The following TOPAZ1 variants were observed in gnomAD, a reference collection of about 807,000 sequenced individuals.
TOPAZ1 encodes protein TOPAZ1.
TOPAZ1 carries 66 observed loss-of-function variants against 172.2 expected under a neutral mutation model. The observed-to-expected ratio is 0.38, with a 90% CI of 0.31 to 0.47. The LOEUF is 0.47. Ranked by LOEUF, TOPAZ1 falls within the 20% of genes least tolerant of loss-of-function variation. The pLI, the probability that TOPAZ1 is intolerant of heterozygous loss-of-function variation, is 0.99. For synonymous variants in TOPAZ1, 681 were observed against 683.9 expected, an observed-to-expected ratio of 1.00 and a Z score of 0.07; for missense variants, 1,822 against 1,972.4, an observed-to-expected ratio of 0.92 and a Z score of 1.44.
chr3:44,243,393 A>G lies in TOPAZ1; in HGVS notation c.887A>G (p.Glu296Gly). 1 of 1,551,190 alleles carries G rather than the reference A, an allele frequency of 6.4e-7. No individual in the cohort carries two copies. Among genetic ancestry groups the G allele is most frequent in the Non-Finnish European group, 8.7e-7 (1 of 1,146,830 alleles). The change falls in exon 2 of 20, where the codon GAA becomes GGA. Residue 296 changes from glutamate to glycine, a missense_variant. Around this residue, in one of 2 missense-constraint regions of TOPAZ1, gnomAD observed 1,489 missense variants for 1,490.8 expected, o/e 1.00. Coordinates refer to ENST00000309765, the MANE Select transcript of TOPAZ1 (RefSeq NM_001145030.2). The stretch of plus-strand genomic sequence containing the variant: ...ATGGGAGTAAATAAGTTACTACCAG[A>G]AGAGAGTGATTTATACCAAAGTAAA... ...NVMGVNKLLP[E>G]ESDLYQSKTN...
At chr3:44,249,548 A>G (rs1040615548) in intron 2 of TOPAZ1, among the ~76,000 whole-genome samples, 1 of 152,194 alleles carries the variant, frequency 6.6e-6, no homozygotes, top group African/African-American at 2.4e-5. Flanking sequence ...GCATTCCCAT[A>G]GCACCTTATG....
At chr3:44,294,261 C>T (rs1423292667) in intron 12 of TOPAZ1, among the ~76,000 whole-genome samples, 1 of 151,864 alleles carries the variant, frequency 6.6e-6, no homozygotes, top group Non-Finnish European at 1.5e-5. Flanking sequence ...GACATATAGC[C>T]ATCAAACGAC....
chr3:44,328,990 G>A (rs1700633742), intron 19 of TOPAZ1, among the ~76,000 whole-genome samples: 1 of 152,108 alleles, frequency 6.6e-6, no homozygotes, highest in South Asian at 2.1e-4. Context: ...CCTAAATCGT[G>A]GTATGCCATA....
At position 44,244,276 on chromosome 3, in the gene TOPAZ1, C is replaced by A; in HGVS notation, c.1770C>A (p.Ile590=). ...TAATGGTTATAAAGGAACCTATAAT[C>A]AAGGATGATAAAAAGATAAAATCAG... The part of the protein sequence containing the change: ...PTLMVIKEPI[I]KDDKKIKSEE... The change falls in exon 2 of 20, where the codon ATC becomes ATA. Residue 590 remains isoleucine (I), a synonymous_variant. Coordinates refer to ENST00000309765, the MANE Select transcript of TOPAZ1 (RefSeq NM_001145030.2). 1 of 1,550,116 alleles carries A rather than the reference C, an allele frequency of 6.5e-7. No homozygotes were observed. Among genetic ancestry groups the A allele is most frequent in the Admixed American group, 2.0e-5 (1 of 50,792 alleles).
rs144983431 is a variant in TOPAZ1 at position 44,288,644 on chromosome 3, C to T, written c.3681+805C>T. 3.3e-5 allele frequency among the ~76,000 whole-genome samples: 5 copies of T among 152,176 alleles called. No individual in the cohort carries two copies. The East Asian group carries it at 5.8e-4, about 18-fold the overall frequency. The stretch of plus-strand genomic sequence containing the variant: ...AGGTTGCAGTGAGCCAAGATTGTGC[C>T]ATAACCTAGGCAACAGGGCAAAACT... On this transcript the variant is annotated intron_variant, in intron 11 of 19. Transcript: ENST00000309765.
At chr3:44,330,533 C>G (rs1700656201) in intron 19 of TOPAZ1, among the ~76,000 whole-genome samples, 1 of 152,196 alleles carries the variant, frequency 6.6e-6, no homozygotes, top group Admixed American at 6.5e-5. Context: ...CTACCAGATT[C>G]CCGGGCACCT....
Position 44,317,389 on chromosome 3 carries a change from T to G in TOPAZ1, c.4307-3638T>G, listed in dbSNP as rs146984783. 6.4e-3 allele frequency among the ~76,000 whole-genome samples: 967 copies of G among 152,210 alleles called. 4 individuals carry two copies. The highest frequency in any genetic ancestry group is 0.017 in the Middle Eastern group (5 of 292). ...TGAGCCAAGATCGCGGCACTGCACTTCAGCCTGGGCAAGAGAGCAAGACTC... is the reference window on the plus strand; with the variant it reads ...TGAGCCAAGATCGCGGCACTGCACTGCAGCCTGGGCAAGAGAGCAAGACTC... On this transcript the variant is annotated intron_variant, in intron 16 of 19. Coordinates refer to ENST00000309765, the MANE Select transcript of TOPAZ1 (RefSeq NM_001145030.2).
chr3:44,243,655 A>C lies in TOPAZ1; in HGVS notation c.1149A>C (p.Lys383Asn). The C allele has an allele frequency of 6.5e-7, 1 of 1,550,124 alleles. No individual in the cohort carries two copies. The highest frequency in any genetic ancestry group is 8.7e-7 in the Non-Finnish European group (1 of 1,146,940). The stretch of plus-strand genomic sequence containing the variant: ...AAAGTCCTTTAAATGTTTTGAGAAA[A>C]GTAAGCCATAATACAGTCTCTTTGA... ...ETKSPLNVLR[K>N]VSHNTVSLMD... Residue 383 changes from lysine (K) to asparagine (N), a missense_variant, in exon 2 of 20, where the codon AAA becomes AAC. By Grantham distance (94) the Lys-to-Asn change is moderately conservative. Transcript: ENST00000309765.
chr3:44,321,063 G>A lies in TOPAZ1; in HGVS notation c.4343G>A (p.Cys1448Tyr). ...EWIINTPLWP[C>Y]DRLDVLNRHN... The stretch of plus-strand genomic sequence containing the variant: ...ATAATCAATACGCCTCTGTGGCCTT[G>A]TGATAGACTGGATGTGCTTAATCGA... Residue 1448 changes from cysteine (C) to tyrosine (Y), a missense_variant, in exon 17 of 20, where the codon TGT (cysteine) becomes TAT (tyrosine). Physicochemically the swap from Cys to Tyr is radical, Grantham distance 194 (BLOSUM62 -2). Transcript: ENST00000309765. The A allele has an allele frequency of 6.5e-7, 1 of 1,549,648 alleles. No homozygotes were observed. The highest frequency in any genetic ancestry group is 8.7e-7 in the Non-Finnish European group (1 of 1,146,100).
rs1437375061 is a variant in TOPAZ1, at chr3:44,242,134, G to GC, written c.83dup (p.Gly29ArgfsTer11). The stretch of plus-strand genomic sequence containing the variant: ...TGCGAAACCTGCAGAAGCGGCAGGC[G>GC]CCAGGGCCAGGCGCGGCGGGAGGCT... On this transcript the variant is annotated frameshift_variant, in exon 1 of 20. Transcript: ENST00000309765. LOFTEE classifies it high-confidence loss of function. 5.8e-6 allele frequency: 9 copies of GC among 1,548,994 alleles called. No individual in the cohort carries two copies. The highest frequency in any genetic ancestry group is 7.8e-6 in the Non-Finnish European group (9 of 1,146,516).
chr3:44,286,708 C>A (rs977658220), intron 9 of TOPAZ1, among the ~76,000 whole-genome samples: 2 of 151,514 alleles, frequency 1.3e-5, no homozygotes, highest in African/African-American at 4.9e-5. Context: ...CAGATTTTAA[C>A]CTGGGAAATT....
At chr3:44,273,688 A>G (rs1037984827) in intron 8 of TOPAZ1, among the ~76,000 whole-genome samples, 1 of 152,172 alleles carries the variant, frequency 6.6e-6, no homozygotes, top group Non-Finnish European at 1.5e-5. Flanking sequence ...CCACAATAAT[A>G]TGTGGCAAGA....
At chr3:44,252,812 A>C (rs1699649904) in intron 2 of TOPAZ1, among the ~76,000 whole-genome samples, 1 of 118,702 alleles carries the variant, frequency 8.4e-6, no homozygotes, top group Admixed American at 9.2e-5. Context: ...AGGCGTCTTC[A>C]TTTGGGTCTC....
intron 11 of TOPAZ1, 63 bp downstream of exon 11, chr3:44,287,902 T>C (rs1559538100): frequency 1.4e-6 from 1 of 735,054 alleles, no homozygotes; most frequent in African/African-American, 1.9e-5. Flanking sequence ...ATTGTTTCCA[T>C]GGGGGGGTAC....
At chr3:44,322,730 TG>T (rs778710500) in intron 17 of TOPAZ1, among the ~76,000 whole-genome samples, 22 of 152,112 alleles carry the variant, frequency 1.4e-4, no homozygotes, top group Non-Finnish European at 2.8e-4. Context: ...GAAACTAGTC[TG>T]GGCAACATGG....
At chr3:44,324,538 A>G (rs1218325527) in intron 18 of TOPAZ1, among the ~76,000 whole-genome samples, 1 of 152,150 alleles carries the variant, frequency 6.6e-6, no homozygotes, top group Non-Finnish European at 1.5e-5. Flanking sequence ...AACAAATATA[A>G]GCTCAGACAT....
At chr3:44,257,007 A>G (rs1699711449) in intron 4 of TOPAZ1, among the ~76,000 whole-genome samples, 1 of 151,976 alleles carries the variant, frequency 6.6e-6, no homozygotes, top group African/African-American at 2.4e-5. Context: ...GTATGTATGT[A>G]CAAGTACATA....
intron 4 of TOPAZ1, among the ~76,000 whole-genome samples, chr3:44,257,352 G>GGGGGGTGT (rs1264696203): frequency 1.0e-4 from 11 of 110,386 alleles, no homozygotes; most frequent in African/African-American, 4.3e-4. Context: ...AAAACATAGG[G>GGGGGGTGT]GTGTGTGTGT....
At chr3:44,300,125 TA>T (rs1345499250) in intron 12 of TOPAZ1, among the ~76,000 whole-genome samples, 1 of 148,314 alleles carries the variant, frequency 6.7e-6, no homozygotes, top group Non-Finnish European at 1.5e-5. Context: ...AATAAATAAA[TA>T]AAAAATAAAA....
Sources: allele counts gnomAD v4.1 joint callset (sites outside exome capture counted in the v4.1 genomes callset), GRCh38; gene constraint gnomAD v4.1.1; regional missense constraint gnomAD v4.1.1; transcripts MANE v1.5; gene names NCBI Gene and HGNC (gene_info 2026-07-23, HGNC 2026-07-21).